The following CCSER1 variants were observed in gnomAD, a reference collection of about 807,000 sequenced individuals.
The protein encoded by CCSER1 is coiled-coil serine rich protein 1, also known as serine-rich coiled-coil domain-containing protein 1.
A neutral mutation model predicts 82.0 loss-of-function variants in CCSER1; 41 were observed. The ratio of observed to expected loss-of-function variants is 0.50; its 90% CI spans 0.39 to 0.65. The LOEUF is 0.65. Ranked by LOEUF, CCSER1 falls within the 30% of genes least tolerant of loss-of-function variation. The pLI, the probability that CCSER1 is intolerant of heterozygous loss-of-function variation, is 0.00. For missense variants in CCSER1, 1,119 were observed against 1,064.2 expected, an observed-to-expected ratio of 1.05 and a Z score of -0.72; for synonymous variants, 414 against 383.9, an observed-to-expected ratio of 1.08 and a Z score of -0.92.
At chr4:90,983,687 G>T (rs1468699386) in intron 9 of CCSER1, among the ~76,000 whole-genome samples, 1 of 151,696 alleles carries the variant, frequency 6.6e-6, no homozygotes, top group Non-Finnish European at 1.5e-5. Context: ...CCAAAGGGAA[G>T]GGAGTAGAAA....
At chr4:90,405,241 A>G (rs148919430) in intron 4 of CCSER1, among the ~76,000 whole-genome samples, 1,541 of 152,158 alleles carry the variant, frequency 0.01, 17 homozygotes, top group South Asian at 0.03. Context: ...CAATAGAATC[A>G]AACAAGCAGA....
chr4:90,346,917 C>T (rs10026624), intron 3 of CCSER1, among the ~76,000 whole-genome samples: 99,824 of 151,974 alleles, frequency 0.66, 34,283 homozygotes, highest in African/African-American at 0.86. Context: ...CAGTAGACAA[C>T]ATATTTACTT....
rs566114000 is a variant in CCSER1 at position 90,229,242 on chromosome 4, G to T, written c.-41-79002G>T. On this transcript the variant is annotated intron_variant, in intron 1 of 10. Coordinates refer to ENST00000509176, the MANE Select transcript of CCSER1 (RefSeq NM_001145065.2). ...AGAGAAAGGTCGGGTTACCCACAAA[G>T]GGAAGCCCATCAGACTGACAGCAGA... 2.6e-5 allele frequency among the ~76,000 whole-genome samples: 4 copies of T among 152,280 alleles called. No individual in the cohort carries two copies. The East Asian group carries it at 7.7e-4, about 29-fold the overall frequency.
At chr4:90,276,106 A>T (rs1022784913) in intron 1 of CCSER1, among the ~76,000 whole-genome samples, 1 of 152,062 alleles carries the variant, frequency 6.6e-6, no homozygotes, top group Non-Finnish European at 1.5e-5. Flanking sequence ...TTGATATTTG[A>T]TGAGTCTCAA....
intron 3 of CCSER1, among the ~76,000 whole-genome samples, chr4:90,317,918 A>C (rs1736462842): frequency 6.6e-6 from 1 of 152,214 alleles, no homozygotes; most frequent in African/African-American, 2.4e-5. Context: ...ATATGGCCCA[A>C]ACTAGAAACA....
chr4:90,704,384 T>G (rs1031068447), intron 6 of CCSER1, among the ~76,000 whole-genome samples: 2 of 152,212 alleles, frequency 1.3e-5, no homozygotes, highest in Non-Finnish European at 2.9e-5. Context: ...TAACCCGACC[T>G]TTCTCTCTGG....
chr4:90,313,015 G>C lies in CCSER1; in HGVS notation c.1477G>C (p.Ala493Pro). ...EEVNSLRKQR[A>P]GSSSSKMNSL... is the part of the protein sequence containing the mutation. The stretch of plus-strand genomic sequence containing the variant: ...AGTTAATAGTTTAAGAAAGCAAAGA[G>C]CAGGTTCTTCATCTTCAAAAATGAA... The change falls in exon 3 of 11, where the codon GCA (alanine) becomes CCA (proline). Residue 493 changes from alanine (A) to proline (P), a missense_variant. Physicochemically the swap from Ala to Pro is conservative, Grantham distance 27. Coordinates refer to ENST00000509176, the MANE Select transcript of CCSER1 (RefSeq NM_001145065.2). 2 of 1,604,940 alleles carry C rather than the reference G, an allele frequency of 1.2e-6. No homozygotes were observed. The highest frequency in any genetic ancestry group is 1.7e-6 in the Non-Finnish European group (2 of 1,175,244).
intron 3 of CCSER1, among the ~76,000 whole-genome samples, chr4:90,379,396 GAC>G (rs1478949790): frequency 6.6e-6 from 1 of 152,150 alleles, no homozygotes; most frequent in Non-Finnish European, 1.5e-5. Context: ...CCATCTATAG[GAC>G]ATAGTTGAGG....
At chr4:91,445,665 T>A (rs1423493615) in intron 10 of CCSER1, among the ~76,000 whole-genome samples, 1 of 152,130 alleles carries the variant, frequency 6.6e-6, no homozygotes, top group Non-Finnish European at 1.5e-5. Context: ...TTTATATCCC[T>A]GTCATCTATC....
intron 9 of CCSER1, among the ~76,000 whole-genome samples, chr4:91,061,420 T>C (rs1313442429): frequency 1.3e-5 from 2 of 152,058 alleles, no homozygotes; most frequent in African/African-American, 4.8e-5. Flanking sequence ...CTCAGCCCTC[T>C]CCACCAGGTT....
intron 9 of CCSER1, among the ~76,000 whole-genome samples, chr4:91,032,713 T>G (rs1741091715): frequency 6.6e-6 from 1 of 152,240 alleles, no homozygotes. Context: ...ATTTCTTAAT[T>G]GTTATTAAGA....
intron 10 of CCSER1, among the ~76,000 whole-genome samples, chr4:91,518,690 G>A (rs941814436): frequency 1.3e-5 from 2 of 152,150 alleles, no homozygotes; most frequent in African/African-American, 4.8e-5. Context: ...GTAAGTTCAG[G>A]TGAAGACCTC....
intron 5 of CCSER1, among the ~76,000 whole-genome samples, chr4:90,549,478 T>A (rs1777190911): frequency 1.3e-5 from 2 of 152,048 alleles, no homozygotes; most frequent in Admixed American, 6.6e-5. Flanking sequence ...AGGTGATCAT[T>A]CATGGCACTG....
At position 91,318,366 on chromosome 4, in the gene CCSER1, A is replaced by G. The variant is rs564339153; in HGVS notation, c.2217+232372A>G. Among the ~76,000 whole-genome samples the G allele has an allele frequency of 2.0e-5, 3 of 152,172 alleles. No individual in the cohort carries two copies. The East Asian group carries it at 5.8e-4, about 30-fold the overall frequency. ...TCAGTTTTTCCATTAACAATTATTC[A>G]GAGCATCATCACAACATAACTTTTC... On this transcript the variant is annotated intron_variant, in intron 10 of 10. Transcript: ENST00000509176.
At chr4:90,510,085 T>C (rs1214784526) in intron 5 of CCSER1, among the ~76,000 whole-genome samples, 2 of 152,084 alleles carry the variant, frequency 1.3e-5, no homozygotes, top group South Asian at 2.1e-4. Context: ...CTCATTCACA[T>C]TGGAACATAA....
At chr4:90,748,535 C>A (rs1321032980) in intron 7 of CCSER1, among the ~76,000 whole-genome samples, 1 of 148,946 alleles carries the variant, frequency 6.7e-6, no homozygotes, top group Non-Finnish European at 1.5e-5. Context: ...GATTTATAGT[C>A]CTTTGGGTAT....
At chr4:91,085,481 G>GC (rs1293017189) in intron 9 of CCSER1, among the ~76,000 whole-genome samples, 1 of 152,082 alleles carries the variant, frequency 6.6e-6, no homozygotes, top group Non-Finnish European at 1.5e-5. Context: ...GACAGAGAAA[G>GC]CCCTTTGACA....
In CCSER1 at chr4:91,178,554, A is replaced by G. The variant is rs961522760; in HGVS notation, c.2217+92560A>G. On this transcript the variant is annotated intron_variant, in intron 10 of 10. Coordinates refer to ENST00000509176, the MANE Select transcript of CCSER1 (RefSeq NM_001145065.2). ...TTCTTGTTGAATTGATCCCTTTACC[A>G]TTATGTAATGGCCTTCCTTCTCTTT... Among the ~76,000 whole-genome samples, 25 of 152,272 alleles carry G rather than the reference A, an allele frequency of 1.6e-4. 1 individual carries two copies. In the Middle Eastern group the frequency reaches 0.02, roughly 124 times the overall value.
At chr4:91,530,071 T>C (rs1760947014) in intron 10 of CCSER1, among the ~76,000 whole-genome samples, 1 of 152,056 alleles carries the variant, frequency 6.6e-6, no homozygotes, top group Non-Finnish European at 1.5e-5. Flanking sequence ...ATTATTGAGG[T>C]ACCATACTTG....
Sources: gnomAD v4.1 joint callset for allele counts (sites outside exome capture counted in the v4.1 genomes callset) on GRCh38, gnomAD v4.1.1 for gene constraint, MANE v1.5 for transcripts, NCBI Gene and HGNC (gene_info 2026-07-23, HGNC 2026-07-21) for gene names.